PEX14: variants seen among roughly 807,000 people sequenced by gnomAD.
PEX14 encodes the protein peroxisomal biogenesis factor 14.
In PEX14, 15 loss-of-function variants were observed where a neutral mutation model predicts 49.5. That is an observed-to-expected ratio of 0.30 (90% CI 0.20 to 0.47). The LOEUF is 0.47. Ranked by LOEUF, PEX14 falls within the 20% of genes least tolerant of loss-of-function variation. The pLI, the probability that PEX14 is intolerant of heterozygous loss-of-function variation, is 1.00. For missense variants in PEX14, 398 were observed against 494.8 expected, an observed-to-expected ratio of 0.80 and a Z score of 1.86; for synonymous variants, 210 against 212.7, an observed-to-expected ratio of 0.99 and a Z score of 0.11.
intron 2 of PEX14, among the ~76,000 whole-genome samples, chr1:10,503,038 C>A (rs1463146121): frequency 6.6e-6 from 1 of 151,478 alleles, no homozygotes. Context: ...TGGGCTCAAG[C>A]GATCCCCCCG....
chr1:10,579,523 G>T (rs1017149401), intron 3 of PEX14, among the ~76,000 whole-genome samples: 3 of 152,124 alleles, frequency 2.0e-5, no homozygotes, highest in Non-Finnish European at 2.9e-5. Flanking sequence ...CGAGTCTGCG[G>T]TGCAAAGTGA....
chr1:10,585,740 C>T (rs1367007356), intron 3 of PEX14, among the ~76,000 whole-genome samples: 4 of 152,080 alleles, frequency 2.6e-5, no homozygotes, highest in Non-Finnish European at 4.4e-5. Flanking sequence ...GCCAACATGG[C>T]GAAACCCTGT....
At chr1:10,555,389 TG>T (rs1305513961) in intron 3 of PEX14, among the ~76,000 whole-genome samples, 1 of 151,478 alleles carries the variant, frequency 6.6e-6, no homozygotes, top group Non-Finnish European at 1.5e-5. Context: ...ATGGGGAAAA[TG>T]ACGGAGGAAA....
intron 2 of PEX14, chr1:10,517,258 C>G (rs1161326178): frequency 1.3e-5 from 2 of 152,162 alleles, no homozygotes; most frequent in African/African-American, 4.8e-5. Flanking sequence ...GCACAATTGG[C>G]TTGTGCCAGA....
At chr1:10,627,204 C>T in intron 7 of PEX14, 68 bp from the exon 8 acceptor site, 1 of 1,064,512 alleles carries the variant, frequency 9.4e-7, no homozygotes, top group Non-Finnish European at 1.5e-6. Flanking sequence ...CCCAGGTCCT[C>T]CTGCAGCCGC....
chr1:10,562,768 C>T (rs1461646981), intron 3 of PEX14, among the ~76,000 whole-genome samples: 3 of 152,114 alleles, frequency 2.0e-5, no homozygotes, highest in Admixed American at 6.6e-5. Flanking sequence ...TTCGATCCTT[C>T]GACACTATAT....
rs1297920865 is a variant in PEX14, at chr1:10,514,053, G to T, written c.84+18732G>T. ...TTAACATTATATGCTGATATAAATT[G>T]TAACAGTTAAAGAATGGTAATGAGT... On this transcript the variant is annotated intron_variant, in intron 2 of 8. Coordinates refer to ENST00000356607, the MANE Select transcript of PEX14 (RefSeq NM_004565.3). The surrounding 1 kb of genome is among the most constrained non-coding windows in gnomAD (Gnocchi z 4.4). Among the ~76,000 whole-genome samples the T allele has an allele frequency of 6.6e-6, 1 of 151,788 alleles. No individual in the cohort carries two copies. The highest frequency in any genetic ancestry group is 2.4e-5 in the African/African-American group (1 of 41,322).
chr1:10,496,156 A>G (rs1036133720), intron 2 of PEX14, among the ~76,000 whole-genome samples: 1 of 152,138 alleles, frequency 6.6e-6, no homozygotes, highest in Non-Finnish European at 1.5e-5. Flanking sequence ...GCGGGTATGA[A>G]CACGTCTGAA....
intron 3 of PEX14, among the ~76,000 whole-genome samples, chr1:10,558,693 C>T (rs1639563662): frequency 6.7e-6 from 1 of 148,420 alleles, no homozygotes; most frequent in Non-Finnish European, 1.5e-5. Context: ...GCTGAGATTG[C>T]ACCACTGCAC....
In PEX14 at chr1:10,630,280, C is replaced by G. The variant is rs898176595; in HGVS notation, c.*293C>G. On this transcript the variant is annotated 3_prime_UTR_variant, in exon 9 of 9. Coordinates refer to ENST00000356607, the MANE Select transcript of PEX14 (RefSeq NM_004565.3). This position sits in a 1 kb window ranked among gnomAD's most constrained non-coding sequence, Gnocchi z 4.1. ...GCGAAGCCTCGGGGCCCAAGCCCCT[C>G]CCCAGCCCCCTCTCCCGGACAGACG... is the stretch of plus-strand genomic sequence containing the variant. 5.6e-6 allele frequency: 3 copies of G among 538,878 alleles called. No homozygotes were observed. Among genetic ancestry groups the G allele is most frequent in the Non-Finnish European group, 1.0e-5 (3 of 300,186 alleles). 33.4% of individuals were successfully genotyped at this position (538,878 alleles called of 1,614,324 possible).
intron 1 of PEX14, among the ~76,000 whole-genome samples, chr1:10,491,911 G>A (rs1641481470): frequency 6.6e-6 from 1 of 151,786 alleles, no homozygotes; most frequent in African/African-American, 2.4e-5. Context: ...TCTAACTCCC[G>A]GCCTCAAGTG....
At chr1:10,583,444 ACTCCTGTACTCAAGTGATC>A (rs1450346945) in intron 3 of PEX14, among the ~76,000 whole-genome samples, 25 of 143,286 alleles carry the variant, frequency 1.7e-4, no homozygotes, top group Non-Finnish European at 3.4e-4. Flanking sequence ...CTGGTCTTGA[ACTCCTGTACTCAAGTGATC>A]CTCCTGCCTC....
chr1:10,555,177 C>T (rs1052142021), intron 3 of PEX14, among the ~76,000 whole-genome samples: 15 of 152,040 alleles, frequency 9.9e-5, no homozygotes, highest in Non-Finnish European at 1.6e-4. Context: ...CATTCCTGTC[C>T]GGGATAGTCA....
At chr1:10,537,341 A>ACCACCCCCCCC (rs796854134) in intron 3 of PEX14, among the ~76,000 whole-genome samples, 2 of 28,428 alleles carry the variant, frequency 7.0e-5, no homozygotes, top group African/African-American at 1.4e-4. Context: ...TTGTGCCAGC[A>ACCACCCCCCCC]CCCCCCCCCC....
At chr1:10,524,682 TTGA>T in intron 2 of PEX14, among the ~76,000 whole-genome samples, 2 of 151,648 alleles carry the variant, frequency 1.3e-5, no homozygotes, top group East Asian at 1.9e-4. Flanking sequence ...AATCATTTGA[TTGA>T]TTGATTGATT....
intron 3 of PEX14, among the ~76,000 whole-genome samples, chr1:10,568,899 C>T (rs1254108265): frequency 6.6e-6 from 1 of 152,014 alleles, no homozygotes; most frequent in Admixed American, 6.6e-5. Context: ...GTCACCACAC[C>T]TTGCTAATTT....
chr1:10,546,225 T>C (rs1639166632), intron 3 of PEX14, among the ~76,000 whole-genome samples: 1 of 152,102 alleles, frequency 6.6e-6, no homozygotes, highest in Non-Finnish European at 1.5e-5. Context: ...ATCATAAGAA[T>C]TCGTGCATCA....
rs759031948 is a variant in PEX14 at position 10,629,480 on chromosome 1, G to T, written c.678-51G>T. 4.5e-6 allele frequency: 6 copies of T among 1,331,786 alleles called. No homozygotes were observed. The highest frequency in any genetic ancestry group is 3.4e-5 in the Admixed American group (2 of 59,528). The allele number at this position is 1,331,786 out of a possible 1,614,324, so 82.5% of individuals were successfully genotyped here. A position where few individuals can be genotyped will look rare whatever the true frequency, so the allele number is the denominator to read the frequency against. Reference sequence around the variant, plus strand: ...TCAGGGAAGGCGTGGCCCTTCGAAGGGGGGCGTCCTGAATGCCGCCACCAA... The same window carrying T: ...TCAGGGAAGGCGTGGCCCTTCGAAGTGGGGCGTCCTGAATGCCGCCACCAA... On this transcript the variant is annotated intron_variant, in intron 8 of 8. Transcript: ENST00000356607. The surrounding 1 kb of genome is among the most constrained non-coding windows in gnomAD (Gnocchi z 8.5).
chr1:10,577,922 G>A (rs1053924542), intron 3 of PEX14, among the ~76,000 whole-genome samples: 9 of 151,692 alleles, frequency 5.9e-5, no homozygotes, highest in Non-Finnish European at 1.3e-4. Flanking sequence ...AGCAGAAATT[G>A]GAGTGAATTT....
Sources: gnomAD v4.1 joint callset for allele counts (sites outside exome capture counted in the v4.1 genomes callset) on GRCh38, gnomAD v4.1.1 for gene constraint, Gnocchi (gnomAD v3.1) non-coding constraint, MANE v1.5 for transcripts, NCBI Gene and HGNC (gene_info 2026-07-23, HGNC 2026-07-21) for gene names.